Variants in TSC22D1 observed in about 807,000 individuals in gnomAD.
TSC22D1 encodes the protein TSC22 domain family member 1, also known as TSC22 domain family protein 1.
Under a neutral mutation model 74.2 loss-of-function variants are expected in TSC22D1, and 9 were observed. The ratio of observed to expected loss-of-function variants is 0.12; its 90% CI spans 0.07 to 0.21. TSC22D1 has a LOEUF of 0.21. Among genes scored for constraint, TSC22D1 ranks in the 10% least tolerant of loss-of-function variants. The pLI is 1.00. For missense variants in TSC22D1, 1,427 were observed against 1,304.7 expected (o/e 1.09, Z -1.44); for synonymous variants, 586 against 492.5 (o/e 1.19, Z -2.51).
intron 1 of TSC22D1, among the ~76,000 whole-genome samples, chr13:44,438,680 C>T (rs1306592308): frequency 6.6e-6 from 1 of 151,816 alleles, no homozygotes; most frequent in African/African-American, 2.4e-5. Context: ...CATATATTAA[C>T]TCATATGATG....
At chr13:44,491,074 G>A (rs924110580) in intron 1 of TSC22D1, among the ~76,000 whole-genome samples, 3 of 151,870 alleles carry the variant, frequency 2.0e-5, no homozygotes, top group East Asian at 1.9e-4. Flanking sequence ...GCTGAGGCAC[G>A]AAGAATCATT....
chr13:44,573,183 C>G lies in TSC22D1; in HGVS notation c.2892G>C (p.Leu964=), dbSNP rs1883892566. 1 of 1,614,056 alleles carries G rather than the reference C, an allele frequency of 6.2e-7. No homozygotes were observed. The highest frequency in any genetic ancestry group is 1.3e-5 in the African/African-American group (1 of 75,038). ...CTTACCTCTCATCCTCGCCATCCAC[C>G]AGGGGTGTCGTCAGCGGTAGCACCT... ...PLKVLPLTTP[L]VDGEDESSSG... The change falls in exon 1 of 3, where the codon CTG becomes CTC. Residue 964 remains leucine, a synonymous_variant. Coordinates refer to ENST00000458659, the MANE Select transcript of TSC22D1 (RefSeq NM_183422.4).
intron 1 of TSC22D1, among the ~76,000 whole-genome samples, chr13:44,532,280 C>T (rs1880883811): frequency 6.6e-6 from 1 of 152,138 alleles, no homozygotes; most frequent in Non-Finnish European, 1.5e-5. Context: ...ACTATAATTT[C>T]TTTGCCTAGG....
At chr13:44,523,262 G>C (rs1412409400) in intron 1 of TSC22D1, among the ~76,000 whole-genome samples, 2 of 152,158 alleles carry the variant, frequency 1.3e-5, no homozygotes, top group African/African-American at 4.8e-5. Flanking sequence ...CTAAGCACAG[G>C]CTTACTACAT....
chr13:44,482,643 G>A (rs145904938), intron 1 of TSC22D1, among the ~76,000 whole-genome samples: 51 of 152,280 alleles, frequency 3.3e-4, no homozygotes, highest in African/African-American at 6.0e-4. Context: ...TGTTGTTTCT[G>A]CTCTACCATA....
intron 1 of TSC22D1, among the ~76,000 whole-genome samples, chr13:44,520,702 T>C (rs550494117): frequency 1.3e-5 from 2 of 152,254 alleles, no homozygotes; most frequent in South Asian, 4.2e-4. Flanking sequence ...GGAAGGGGTG[T>C]TGAACATGTC....
chr13:44,516,452 C>G, intron 1 of TSC22D1: 2 of 298,198 alleles, frequency 6.7e-6, no homozygotes, highest in South Asian at 7.1e-5. Flanking sequence ...GGCATAAAGG[C>G]TTATGGAAAC....
At chr13:44,569,345 T>C (rs1243432462) in intron 1 of TSC22D1, among the ~76,000 whole-genome samples, 1 of 152,212 alleles carries the variant, frequency 6.6e-6, no homozygotes, top group East Asian at 1.9e-4. Context: ...ACAAGCAAGT[T>C]ATTTAGAGAC....
chr13:44,560,589 T>C lies in TSC22D1; in HGVS notation c.2912+12574A>G, dbSNP rs117712923. Among the ~76,000 whole-genome samples the C allele has an allele frequency of 3.4e-3, 513 of 152,304 alleles. 2 individuals carry two copies. Among genetic ancestry groups the C allele is most frequent in the Non-Finnish European group, 4.1e-3 (279 of 68,028 alleles). On this transcript the variant is annotated intron_variant, in intron 1 of 2. Coordinates refer to ENST00000458659, the MANE Select transcript of TSC22D1 (RefSeq NM_183422.4). ...GTTAAGAATGTCTTAGAGAATAACC[T>C]TGCTGCCCTAAAAGGTAAAAAAGTA...
intron 1 of TSC22D1, among the ~76,000 whole-genome samples, chr13:44,514,627 A>C (rs1879892322): frequency 2.0e-5 from 3 of 152,206 alleles, no homozygotes; most frequent in African/African-American, 7.2e-5. Context: ...TGGGAGGCCA[A>C]AGGGGGCAGA....
At position 44,432,485 on chromosome 13, in the gene TSC22D1, G is replaced by A. The variant is rs1036813757; in HGVS notation, c.*2141C>T. 4.6e-5 allele frequency: 7 copies of A among 152,048 alleles called. No individual in the cohort carries two copies. Among genetic ancestry groups the A allele is most frequent in the Non-Finnish European group, 7.4e-5 (5 of 68,012 alleles). 9.4% of individuals were successfully genotyped at this position (152,048 alleles called of 1,614,324 possible). ...GCCAATATGAAAGATTTTTCTTTAC[G>A]TCCTTTTCAAATTCCCCCAAAATAT... On this transcript the variant is annotated 3_prime_UTR_variant, in exon 3 of 3. Coordinates refer to ENST00000458659, the MANE Select transcript of TSC22D1 (RefSeq NM_183422.4).
At chr13:44,437,241 C>G in intron 1 of TSC22D1, 2 of 985,556 alleles carry the variant, frequency 2.0e-6, no homozygotes, top group South Asian at 4.7e-5. Flanking sequence ...CGAAAGCTTC[C>G]TATTTGTAAC....
chr13:44,439,252 A>ATG (rs1874995699), intron 1 of TSC22D1, among the ~76,000 whole-genome samples: 1 of 152,276 alleles, frequency 6.6e-6, no homozygotes, highest in Non-Finnish European at 1.5e-5. Flanking sequence ...TTGAACATGT[A>ATG]TGTGTGTGTG....
chr13:44,436,232 C>T, intron 1 of TSC22D1, 137 bp from the exon 2 acceptor site: 1 of 1,091,238 alleles, frequency 9.2e-7, no homozygotes, highest in Non-Finnish European at 1.3e-6. Flanking sequence ...ATGTATCACC[C>T]TCCAGAAAAT....
intron 1 of TSC22D1, among the ~76,000 whole-genome samples, chr13:44,438,186 C>T (rs913256080): frequency 1.3e-5 from 2 of 152,140 alleles, no homozygotes; most frequent in African/African-American, 4.8e-5. Flanking sequence ...CCTCTAATGG[C>T]ATAATATAAA....
intron 1 of TSC22D1, among the ~76,000 whole-genome samples, chr13:44,502,720 T>C (rs1331180462): frequency 6.6e-6 from 1 of 152,026 alleles, no homozygotes; most frequent in African/African-American, 2.4e-5. Flanking sequence ...GTGGCAGGGG[T>C]TGAGTTGCTT....
intron 1 of TSC22D1, among the ~76,000 whole-genome samples, chr13:44,467,826 A>G (rs1877376971): frequency 6.6e-6 from 1 of 152,224 alleles, no homozygotes; most frequent in Non-Finnish European, 1.5e-5. Context: ...TGTAGAAAAC[A>G]GTATGGAGAT....
At chr13:44,495,311 A>C (rs918447227) in intron 1 of TSC22D1, among the ~76,000 whole-genome samples, 2 of 151,104 alleles carry the variant, frequency 1.3e-5, no homozygotes, top group African/African-American at 2.4e-5. Flanking sequence ...AAAAAAAAAA[A>C]CAGTCTAACG....
At chr13:44,571,993 A>C (rs1047761764) in intron 1 of TSC22D1, among the ~76,000 whole-genome samples, 4 of 152,132 alleles carry the variant, frequency 2.6e-5, no homozygotes, top group African/African-American at 9.7e-5. Context: ...CCAAAGCAAA[A>C]CCCACAAACA....
Sources: gnomAD v4.1 joint callset for allele counts (sites outside exome capture counted in the v4.1 genomes callset) on GRCh38, gnomAD v4.1.1 for gene constraint, MANE v1.5 for transcripts, NCBI Gene and HGNC (gene_info 2026-07-23, HGNC 2026-07-21) for gene names.